The following DNM3 variants were observed in gnomAD, a reference collection of about 807,000 sequenced individuals.
DNM3 encodes the protein dynamin 3.
Under a neutral mutation model 101.6 loss-of-function variants are expected in DNM3, and 47 were observed. That is an observed-to-expected ratio of 0.46 (90% CI 0.37 to 0.59). The LOEUF (loss-of-function observed/expected upper bound fraction) is 0.59, where lower values mean the gene tolerates loss of function less well. Ranked by LOEUF, DNM3 falls within the 20% of genes least tolerant of loss-of-function variation. The pLI is 0.00. For synonymous variants in DNM3, 385 were observed against 387.9 expected (o/e 0.99, Z 0.09); for missense variants, 849 against 1,085.7 (o/e 0.78, Z 3.06).
chr1:172,342,011 T>A (rs933247426), intron 17 of DNM3, among the ~76,000 whole-genome samples: 3 of 152,076 alleles, frequency 2.0e-5, no homozygotes, highest in Non-Finnish European at 4.4e-5. Context: ...ATGTTCAACA[T>A]CACTAATCAT....
At chr1:172,185,920 G>GT (rs895843187) in intron 14 of DNM3, among the ~76,000 whole-genome samples, 6 of 151,928 alleles carry the variant, frequency 3.9e-5, no homozygotes, top group Non-Finnish European at 7.4e-5. Flanking sequence ...AATAAAAATT[G>GT]TTTTTTAATT....
At chr1:172,277,100 T>C (rs933283099) in intron 15 of DNM3, among the ~76,000 whole-genome samples, 1 of 152,022 alleles carries the variant, frequency 6.6e-6, no homozygotes, top group Non-Finnish European at 1.5e-5. Context: ...TAGGAGCTAA[T>C]GGGTACAAAA....
chr1:172,411,747 C>G lies in DNM3; in HGVS notation c.*3906C>G, dbSNP rs1384045541. Reference sequence around the variant, plus strand: ...AGAATAAAGCCTACTAGGTCTCTAACTGTTGAACTCATGAAAGAAGATAGT... The same window carrying G: ...AGAATAAAGCCTACTAGGTCTCTAAGTGTTGAACTCATGAAAGAAGATAGT... On this transcript the variant is annotated 3_prime_UTR_variant, in exon 21 of 21. Transcript: ENST00000627582. 2.0e-6 allele frequency: 2 copies of G among 985,170 alleles called. No homozygotes were observed. 61.0% of individuals were successfully genotyped at this position (985,170 alleles called of 1,614,324 possible).
At chr1:172,193,243 G>T (rs2148449131) in intron 14 of DNM3, among the ~76,000 whole-genome samples, 1 of 152,168 alleles carries the variant, frequency 6.6e-6, no homozygotes, top group South Asian at 2.1e-4. Context: ...TTTTTGATTT[G>T]CTGCTGGATT....
chr1:172,246,325 A>C (rs1016445126), intron 14 of DNM3, among the ~76,000 whole-genome samples: 35 of 152,120 alleles, frequency 2.3e-4, no homozygotes, highest in African/African-American at 7.5e-4. Context: ...CACTTGCTGC[A>C]ATCAGAGGAG....
intron 13 of DNM3, among the ~76,000 whole-genome samples, chr1:172,111,042 AT>A (rs1241988561): frequency 6.6e-6 from 1 of 152,268 alleles, no homozygotes; most frequent in Non-Finnish European, 1.5e-5. Flanking sequence ...TCTCAAAAAA[AT>A]AAAATTAAAT....
At chr1:172,239,549 A>G (rs1412437932) in intron 14 of DNM3, among the ~76,000 whole-genome samples, 2 of 152,120 alleles carry the variant, frequency 1.3e-5, no homozygotes, top group Admixed American at 6.6e-5. Context: ...GTGAACCTCT[A>G]TGTTAACTCC....
intron 2 of DNM3, among the ~76,000 whole-genome samples, chr1:171,938,757 A>G (rs1364638598): frequency 1.3e-5 from 2 of 152,176 alleles, no homozygotes; most frequent in African/African-American, 2.4e-5. Context: ...ATATTCCCAC[A>G]TTTGTAACCT....
In DNM3 at chr1:172,356,412, TATAAA is replaced by T. The variant is rs532476745; in HGVS notation, c.1894-22604_1894-22600del. ...AACCATATTTTGTTCATTTTTGACTTATAAAACAATCAGGAAAAAACAGTAAACAT... is the reference window on the plus strand; with the variant it reads ...AACCATATTTTGTTCATTTTTGACTTACAATCAGGAAAAAACAGTAAACAT... On this transcript the variant is annotated intron_variant, in intron 17 of 20. Coordinates refer to ENST00000627582, the MANE Select transcript of DNM3 (RefSeq NM_015569.5). Among the ~76,000 whole-genome samples the T allele has an allele frequency of 3.4e-3, 518 of 152,278 alleles. 3 individuals are homozygous for T. Among genetic ancestry groups the T allele is most frequent in the African/African-American group, 0.012 (483 of 41,582 alleles).
intron 14 of DNM3, among the ~76,000 whole-genome samples, chr1:172,206,014 G>A (rs993256102): frequency 6.6e-6 from 1 of 152,034 alleles, no homozygotes; most frequent in Non-Finnish European, 1.5e-5. Flanking sequence ...TGAATAATAT[G>A]TAAATCTTCC....
chr1:172,128,660 T>C (rs2056771021), intron 13 of DNM3, among the ~76,000 whole-genome samples: 1 of 152,222 alleles, frequency 6.6e-6, no homozygotes, highest in African/African-American at 2.4e-5. Flanking sequence ...ATTCAGTGTT[T>C]ATTTGAACAC....
In DNM3 at chr1:172,002,656, T is replaced by A. The variant is rs140819800; in HGVS notation, c.589+13508T>A. On this transcript the variant is annotated intron_variant, in intron 4 of 20. Coordinates refer to ENST00000627582, the MANE Select transcript of DNM3 (RefSeq NM_015569.5). ...AACAAACACATTAGCTTTATAGGCT[T>A]AAAAAAGCTTTTTATGAAAGTATAT... Among the ~76,000 whole-genome samples, 7 of 152,186 alleles carry A rather than the reference T, an allele frequency of 4.6e-5. No individual in the cohort carries two copies. The East Asian group carries it at 1.4e-3, about 29-fold the overall frequency.
intron 2 of DNM3, among the ~76,000 whole-genome samples, chr1:171,941,929 T>A (rs1376928294): frequency 1.3e-5 from 2 of 152,212 alleles, no homozygotes; most frequent in Non-Finnish European, 2.9e-5. Context: ...TATGCCTTTT[T>A]TGCACAAGGG....
intron 1 of DNM3, among the ~76,000 whole-genome samples, chr1:171,865,515 C>CAAAAAAAAAAAAAAA (rs57826674): frequency 2.5e-5 from 2 of 80,664 alleles, no homozygotes; most frequent in African/African-American, 4.7e-5. Flanking sequence ...GATCCTGTCT[C>CAAAAAAAAAAAAAAA]AAAAAAAAAA....
chr1:172,209,193 A>T (rs965412596), intron 14 of DNM3, among the ~76,000 whole-genome samples: 1 of 152,006 alleles, frequency 6.6e-6, no homozygotes, highest in East Asian at 1.9e-4. Flanking sequence ...ATACAATGAG[A>T]CACCAAGGTC....
intron 10 of DNM3, among the ~76,000 whole-genome samples, chr1:172,060,034 C>A (rs192442199): frequency 6.6e-5 from 10 of 152,192 alleles, no homozygotes; most frequent in Middle Eastern, 6.8e-3. Context: ...AAATCACAAG[C>A]ATTCTTATAT....
chr1:172,095,070 T>G (rs894614298), intron 13 of DNM3, among the ~76,000 whole-genome samples: 1 of 152,228 alleles, frequency 6.6e-6, no homozygotes, highest in East Asian at 1.9e-4. Flanking sequence ...CCACACATTA[T>G]GGAAGTATTA....
At chr1:172,055,590 T>G (rs1164319538) in intron 10 of DNM3, among the ~76,000 whole-genome samples, 6 of 152,178 alleles carry the variant, frequency 3.9e-5, no homozygotes, top group Admixed American at 3.9e-4. Flanking sequence ...GAATAAGAAC[T>G]TGGCTTATTA....
intron 13 of DNM3, among the ~76,000 whole-genome samples, chr1:172,107,375 A>G (rs2055137696): frequency 6.6e-6 from 1 of 150,888 alleles, no homozygotes; most frequent in Admixed American, 6.6e-5. Context: ...GAAACTCAAT[A>G]TAGTTACTAA....
Sources: allele counts gnomAD v4.1 joint callset (sites outside exome capture counted in the v4.1 genomes callset), GRCh38; gene constraint gnomAD v4.1.1; transcripts MANE v1.5; gene names NCBI Gene and HGNC (gene_info 2026-07-23, HGNC 2026-07-21).